Variants in LNPK observed in about 807,000 individuals in gnomAD.
The protein encoded by LNPK is endoplasmic reticulum junction formation protein lunapark.
In LNPK, 29 loss-of-function variants were observed where a neutral mutation model predicts 55.2. The ratio of observed to expected loss-of-function variants is 0.53; its 90% CI spans 0.39 to 0.72. The LOEUF (loss-of-function observed/expected upper bound fraction) is 0.72, where lower values mean the gene tolerates loss of function less well. Ranked by LOEUF, LNPK falls within the 30% of genes least tolerant of loss-of-function variation. The pLI, the probability that LNPK is intolerant of heterozygous loss-of-function variation, is 0.00. For missense variants in LNPK, 467 were observed against 494.8 expected, an observed-to-expected ratio of 0.94 and a Z score of 0.53; for synonymous variants, 162 against 168.2, an observed-to-expected ratio of 0.96 and a Z score of 0.29.
In LNPK at chr2:175,929,502, C is replaced by T; in HGVS notation, c.*465G>A. ...TGTAAACACCTAAATAGACATTTCT[C>T]CCAGTTGTAAATATCTCAGGAGCTA... On this transcript the variant is annotated 3_prime_UTR_variant, in exon 13 of 13. Transcript: ENST00000272748. 1 of 992,838 alleles carries T rather than the reference C, an allele frequency of 1.0e-6. No individual in the cohort carries two copies. The highest frequency in any genetic ancestry group is 1.2e-6 in the Non-Finnish European group (1 of 834,522). 61.5% of individuals were successfully genotyped at this position (992,838 alleles called of 1,614,324 possible).
intron 1 of LNPK, among the ~76,000 whole-genome samples, chr2:175,997,905 A>AT (rs34249944): frequency 0.094 from 13,360 of 141,862 alleles, 656 homozygotes; most frequent in South Asian, 0.11. Context: ...CACCCGGCTA[A>AT]TTTTTTTTTT....
intron 4 of LNPK, among the ~76,000 whole-genome samples, chr2:175,987,782 A>G (rs986478418): frequency 4.6e-5 from 7 of 152,222 alleles, no homozygotes; most frequent in Non-Finnish European, 1.0e-4. Flanking sequence ...AATGAAATTA[A>G]TGCTACTTGG....
intron 9 of LNPK, among the ~76,000 whole-genome samples, chr2:175,941,587 T>C (rs1156756599): frequency 2.6e-5 from 4 of 151,668 alleles, no homozygotes; most frequent in East Asian, 3.9e-4. Flanking sequence ...GGTCAAGAGA[T>C]AGAGACCATC....
At chr2:175,993,873 A>T (rs1203589832) in intron 2 of LNPK, among the ~76,000 whole-genome samples, 1 of 152,180 alleles carries the variant, frequency 6.6e-6, no homozygotes, top group Non-Finnish European at 1.5e-5. Flanking sequence ...TGATTACTCA[A>T]AAGAATTAAC....
chr2:175,990,255 T>C (rs989146128), intron 4 of LNPK, among the ~76,000 whole-genome samples: 1 of 152,184 alleles, frequency 6.6e-6, no homozygotes, highest in Non-Finnish European at 1.5e-5. Context: ...CCCTGGGGCA[T>C]GGCGAGAGTT....
chr2:175,949,977 C>T (rs1489415918), intron 8 of LNPK, among the ~76,000 whole-genome samples: 1 of 151,882 alleles, frequency 6.6e-6, no homozygotes, highest in African/African-American at 2.4e-5. Flanking sequence ...AAAAAGTTTC[C>T]AGTACTCAAC....
At chr2:175,938,003 G>C (rs1223963999) in intron 11 of LNPK, 1 of 212,606 alleles carries the variant, frequency 4.7e-6, no homozygotes, top group Non-Finnish European at 9.2e-6. Context: ...CTGATGCCTG[G>C]ACCTCATACT....
At chr2:175,985,538 T>C (rs1687365567) in intron 4 of LNPK, among the ~76,000 whole-genome samples, 1 of 152,200 alleles carries the variant, frequency 6.6e-6, no homozygotes, top group South Asian at 2.1e-4. Flanking sequence ...ATAGGTCGTG[T>C]TGGTATAAAG....
intron 1 of LNPK, among the ~76,000 whole-genome samples, chr2:175,999,784 C>T (rs879731512): frequency 6.6e-6 from 1 of 152,132 alleles, no homozygotes; most frequent in African/African-American, 2.4e-5. Flanking sequence ...TTTGTTGAGA[C>T]TGAGTCTCAC....
intron 11 of LNPK, 53 bp downstream of exon 11, chr2:175,938,255 CATAGA>C: frequency 9.5e-7 from 1 of 1,047,920 alleles, no homozygotes; most frequent in Non-Finnish European, 1.5e-6. Flanking sequence ...TAGAAAATGG[CATAGA>C]ATAAAATATT....
At position 175,930,196 on chromosome 2, in the gene LNPK, G is replaced by C; in HGVS notation, c.1058C>G (p.Ser353Cys). 6.2e-7 allele frequency: 1 copy of C among 1,609,460 alleles called. No homozygotes were observed. ...LSSDNQFNEE[S>C]LEHDVLDDNT... ...ATCATCAAGAACATCGTGTTCTAAA[G>C]ATTCTGAAAAGATAAAGATTCAAAA... The change falls in exon 13 of 13, where the codon TCT (serine) becomes TGT (cysteine). Residue 353 changes from serine to cysteine, a missense_variant. Transcript: ENST00000272748.
chr2:175,998,075 A>T (rs1177818585), intron 1 of LNPK, among the ~76,000 whole-genome samples: 1 of 152,122 alleles, frequency 6.6e-6, no homozygotes, highest in Non-Finnish European at 1.5e-5. Flanking sequence ...GCATTTAGAT[A>T]CTACTATCCC....
At chr2:175,994,182 T>C in intron 2 of LNPK, 1 of 981,930 alleles carries the variant, frequency 1.0e-6, no homozygotes. Context: ...CAGTTCATTG[T>C]AGTTTCCATA....
At chr2:175,950,895 G>C (rs1685363375) in intron 8 of LNPK, among the ~76,000 whole-genome samples, 1 of 151,934 alleles carries the variant, frequency 6.6e-6, no homozygotes, top group Non-Finnish European at 1.5e-5. Context: ...CAAAAACTAA[G>C]CAATCTAGAA....
At chr2:175,934,974 C>T (rs576866018) in intron 12 of LNPK, among the ~76,000 whole-genome samples, 16 of 151,938 alleles carry the variant, frequency 1.1e-4, no homozygotes, top group Non-Finnish European at 1.9e-4. Flanking sequence ...TTCTAAAGAG[C>T]GGTCCAGAAA....
intron 9 of LNPK, among the ~76,000 whole-genome samples, chr2:175,942,816 A>G (rs1160281922): frequency 1.3e-5 from 2 of 151,686 alleles, no homozygotes; most frequent in Admixed American, 1.3e-4. Flanking sequence ...AAAAGAAATA[A>G]TAAAGATCAG....
At chr2:175,970,863 C>A in intron 5 of LNPK, 59 bp from the exon 6 acceptor site, 1 of 1,317,714 alleles carries the variant, frequency 7.6e-7, no homozygotes, top group South Asian at 1.5e-5. Flanking sequence ...AAAATCACGC[C>A]AAATGACACA....
At chr2:175,997,708 T>TGTGTGTGC (rs1379612642) in intron 1 of LNPK, among the ~76,000 whole-genome samples, 16 of 105,314 alleles carry the variant, frequency 1.5e-4, no homozygotes, top group African/African-American at 5.1e-4. Context: ...AAATGCTCTG[T>TGTGTGTGC]GTGTGTGTGT....
At chr2:175,959,573 G>T (rs1685897651) in intron 8 of LNPK, among the ~76,000 whole-genome samples, 1 of 152,134 alleles carries the variant, frequency 6.6e-6, no homozygotes, top group South Asian at 2.1e-4. Flanking sequence ...ACTAAACATG[G>T]AAAGGAACTA....
Sources: gnomAD v4.1 joint callset for allele counts (sites outside exome capture counted in the v4.1 genomes callset) on GRCh38, gnomAD v4.1.1 for gene constraint, MANE v1.5 for transcripts, NCBI Gene and HGNC (gene_info 2026-07-23, HGNC 2026-07-21) for gene names.